Variants in ATP8A2 observed in about 807,000 individuals in gnomAD.
The protein encoded by ATP8A2 is phospholipid-transporting ATPase IB.
A neutral mutation model predicts 165.6 loss-of-function variants in ATP8A2; 100 were observed. The ratio of observed to expected loss-of-function variants is 0.60; its 90% CI spans 0.51 to 0.71. ATP8A2 has a LOEUF of 0.71. Ranked by LOEUF, ATP8A2 falls within the 30% of genes least tolerant of loss-of-function variation. The probability of loss-of-function intolerance (pLI) is 0.00; values close to 1 mark genes in which losing one functional copy is unlikely to be tolerated. For synonymous variants in ATP8A2, 543 were observed against 548.8 expected (o/e 0.99, Z 0.15); for missense variants, 1,227 against 1,479.5 (o/e 0.83, Z 2.80).
intron 25 of ATP8A2, among the ~76,000 whole-genome samples, chr13:25,749,553 G>A (rs1018104442): frequency 5.3e-5 from 8 of 152,080 alleles, no homozygotes; most frequent in African/African-American, 1.9e-4. Context: ...TCACATCGAT[G>A]TCAGAGCAGG....
chr13:25,570,772 A>C lies in ATP8A2; in HGVS notation c.1479A>C (p.Thr493=). The C allele has an allele frequency of 6.2e-7, 1 of 1,613,346 alleles. No individual in the cohort carries two copies. The highest frequency in any genetic ancestry group is 1.7e-5 in the Admixed American group (1 of 59,968). The part of the protein sequence containing the change: ...LLKNIEDRHP[T]APCIQEFLTL... Reference sequence around the variant, plus strand: ...ATCCCGCCTCACGTTTGCAGCCCACAGCCCCTTGCATTCAGGAGTTCCTCA... The same window carrying C: ...ATCCCGCCTCACGTTTGCAGCCCACCGCCCCTTGCATTCAGGAGTTCCTCA... Residue 493 remains threonine, a synonymous_variant, in exon 17 of 37, where the codon ACA becomes ACC. Coordinates refer to ENST00000381655, the MANE Select transcript of ATP8A2 (RefSeq NM_016529.6).
intron 24 of ATP8A2, among the ~76,000 whole-genome samples, chr13:25,620,686 C>A (rs1379220942): frequency 1.3e-5 from 2 of 151,982 alleles, no homozygotes; most frequent in Non-Finnish European, 2.9e-5. Flanking sequence ...CCTCATATTA[C>A]CTTGGAAAAT....
At chr13:25,901,166 A>G (rs1465430410) in intron 33 of ATP8A2, among the ~76,000 whole-genome samples, 1 of 152,196 alleles carries the variant, frequency 6.6e-6, no homozygotes, top group Non-Finnish European at 1.5e-5. Flanking sequence ...AATGCGGGAC[A>G]TTGGAGAGGA....
intron 2 of ATP8A2, among the ~76,000 whole-genome samples, chr13:25,486,340 A>G (rs1195942895): frequency 2.0e-5 from 3 of 152,246 alleles, no homozygotes; most frequent in Non-Finnish European, 2.9e-5. Context: ...AGAGTAGATT[A>G]TAAGAAAGTT....
intron 29 of ATP8A2, among the ~76,000 whole-genome samples, 168 bp from the exon 30 acceptor site, chr13:25,839,378 T>G (rs1025806374): frequency 4.6e-5 from 7 of 151,734 alleles, no homozygotes; most frequent in South Asian, 4.2e-4. Flanking sequence ...AAAAATTAAA[T>G]AATCGATTTG....
At chr13:25,439,414 G>A (rs988796118) in intron 1 of ATP8A2, among the ~76,000 whole-genome samples, 3 of 152,094 alleles carry the variant, frequency 2.0e-5, no homozygotes, top group South Asian at 4.2e-4. Context: ...CTCTATTAGG[G>A]CATTTTAAAT....
chr13:25,602,980 A>C (rs1329230986), intron 24 of ATP8A2, among the ~76,000 whole-genome samples: 1 of 151,110 alleles, frequency 6.6e-6, no homozygotes, highest in Non-Finnish European at 1.5e-5. Flanking sequence ...GCTGAGGCAA[A>C]AGAATTGCTT....
chr13:25,577,046 C>A, intron 19 of ATP8A2, 23 bp from the exon 20 acceptor site: 1 of 1,225,430 alleles, frequency 8.2e-7, no homozygotes, highest in Non-Finnish European at 1.1e-6. Context: ...CCAATGATGA[C>A]TTTTTTTTTT....
intron 25 of ATP8A2, among the ~76,000 whole-genome samples, chr13:25,713,678 C>T (rs1180200271): frequency 1.3e-5 from 2 of 152,150 alleles, no homozygotes; most frequent in African/African-American, 2.4e-5. Context: ...CAGGTCACTT[C>T]GTGTTCTTGA....
intron 28 of ATP8A2, 116 bp from the exon 29 acceptor site, chr13:25,837,047 C>A: frequency 7.8e-7 from 1 of 1,288,802 alleles, no homozygotes; most frequent in Non-Finnish European, 1.1e-6. Context: ...ATCTGTGAAT[C>A]ATGGAGTCTC....
Position 25,469,072 on chromosome 13 carries a change from A to C in ATP8A2, c.172A>C (p.Ile58Leu), listed in dbSNP as rs1184888672. The C allele has an allele frequency of 6.2e-7, 1 of 1,613,896 alleles. No individual in the cohort carries two copies. Among genetic ancestry groups the C allele is most frequent in the African/African-American group, 1.3e-5 (1 of 74,926 alleles). The change falls in exon 2 of 37, where the codon ATT becomes CTT. Residue 58 changes from isoleucine to leucine, a missense_variant. Physicochemically the swap from Ile to Leu is conservative, Grantham distance 5. Transcript: ENST00000381655. ...CCAGCTGGAGGCACCCGCCCGCACC[A>C]TTTACCTCAACCAACCGCATCTCAA... The part of the protein sequence containing the change: ...GDQLEAPART[I>L]YLNQPHLNKF...
intron 1 of ATP8A2, among the ~76,000 whole-genome samples, chr13:25,428,993 GA>G (rs2034528868): frequency 6.6e-6 from 1 of 152,072 alleles, no homozygotes; most frequent in Non-Finnish European, 1.5e-5. Flanking sequence ...CCAGGCCATG[GA>G]AAGGGAGGCT....
chr13:25,866,647 C>G (rs1235335128), intron 33 of ATP8A2, among the ~76,000 whole-genome samples: 4 of 152,028 alleles, frequency 2.6e-5, no homozygotes, highest in East Asian at 1.9e-4. Context: ...CACAGAGAGA[C>G]ACACACACAG....
At chr13:25,513,427 T>G (rs977451626) in intron 2 of ATP8A2, among the ~76,000 whole-genome samples, 2 of 142,306 alleles carry the variant, frequency 1.4e-5, no homozygotes, top group African/African-American at 2.5e-5. Context: ...GCTCCTCACT[T>G]CCTAGATGTG....
At chr13:25,449,035 C>T (rs2035142953) in intron 1 of ATP8A2, among the ~76,000 whole-genome samples, 1 of 152,082 alleles carries the variant, frequency 6.6e-6, no homozygotes, top group Admixed American at 6.6e-5. Flanking sequence ...AAAAAAAATC[C>T]TCATGATTTC....
chr13:25,839,013 AAAG>A (rs1291150928), intron 29 of ATP8A2, among the ~76,000 whole-genome samples: 18 of 152,214 alleles, frequency 1.2e-4, no homozygotes, highest in African/African-American at 3.9e-4. Flanking sequence ...CCCAAAAATA[AAAG>A]AAGAAGTTGA....
At chr13:25,857,509 G>A (rs1566208134) in intron 30 of ATP8A2, among the ~76,000 whole-genome samples, 1 of 151,244 alleles carries the variant, frequency 6.6e-6, no homozygotes, top group Non-Finnish European at 1.5e-5. Context: ...CCAAGTAGCT[G>A]GGACCACAGG....
At chr13:25,901,160 C>T (rs189111949) in intron 33 of ATP8A2, among the ~76,000 whole-genome samples, 31 of 152,174 alleles carry the variant, frequency 2.0e-4, no homozygotes, top group Admixed American at 3.3e-4. Context: ...GCCTAAAATG[C>T]GGGACATTGG....
intron 27 of ATP8A2, among the ~76,000 whole-genome samples, chr13:25,814,202 A>C (rs957848314): frequency 2.0e-5 from 3 of 152,162 alleles, no homozygotes; most frequent in Non-Finnish European, 2.9e-5. Flanking sequence ...TAGCCACATT[A>C]AAAAGTGATG....
Sources: allele counts gnomAD v4.1 joint callset (sites outside exome capture counted in the v4.1 genomes callset), GRCh38; gene constraint gnomAD v4.1.1; transcripts MANE v1.5; gene names NCBI Gene and HGNC (gene_info 2026-07-23, HGNC 2026-07-21).